The following IDH1 variants were observed in gnomAD, a reference collection of about 807,000 sequenced individuals.
IDH1 encodes the protein isocitrate dehydrogenase (NADP(+)) 1.
A neutral mutation model predicts 46.1 loss-of-function variants in IDH1; 33 were observed. The observed-to-expected ratio is 0.72, with a 90% CI of 0.54 to 0.96. The LOEUF (loss-of-function observed/expected upper bound fraction) is 0.96. Ranked by LOEUF, IDH1 falls within the 40% of genes least tolerant of loss-of-function variation. The probability of loss-of-function intolerance (pLI) is 0.00; values close to 1 mark genes in which losing one functional copy is unlikely to be tolerated. For synonymous variants in IDH1, 144 were observed against 172.8 expected (o/e 0.83, Z 1.31); for missense variants, 421 against 515.7 (o/e 0.82, Z 1.78).
rs1437765311 is a variant in IDH1, at chr2:208,245,781, C to CT, written c.415-358_415-357insA. On this transcript the variant is annotated intron_variant, in intron 4 of 9. Transcript: ENST00000345146. ...CAAATGCCAAAAGAGGGTATTAGAC[C>CT]CCCCCCCCAAAAAAAAAAAAACTAT... Among the ~76,000 whole-genome samples, 9 of 35,218 alleles carry CT rather than the reference C, an allele frequency of 2.6e-4. 1 individual carries two copies. The highest frequency in any genetic ancestry group is 1.7e-3 in the Admixed American group (5 of 2,950). The allele number at this position is 35,218 out of a possible 152,430, so 23.1% of individuals were successfully genotyped here. A position where few individuals can be genotyped will look rare whatever the true frequency, so the allele number is the denominator to read the frequency against.
Position 208,251,143 on chromosome 2 carries a change from A to G in IDH1, c.122+287T>C, listed in dbSNP as rs1688114686. 2.9e-5 allele frequency: 7 copies of G among 241,150 alleles called. No individual in the cohort carries two copies. In the South Asian group the frequency reaches 6.6e-4, roughly 23 times the overall value. The allele number at this position is 241,150 out of a possible 1,614,324, so 14.9% of individuals were successfully genotyped here. On this transcript the variant is annotated intron_variant, in intron 3 of 9. Transcript: ENST00000345146. ...TCTGAATATATTTAGGCTTAAAACA[A>G]ACTTTATTCACAAAACACAGCTATA...
chr2:208,250,019 A>C (rs1688093693), intron 3 of IDH1, among the ~76,000 whole-genome samples: 1 of 152,220 alleles, frequency 6.6e-6, no homozygotes, highest in Admixed American at 6.5e-5. Flanking sequence ...TGTCCAGCCT[A>C]CATAAAACAA....
At chr2:208,241,777 G>A (rs1429072257) in intron 7 of IDH1, among the ~76,000 whole-genome samples, 1 of 152,194 alleles carries the variant, frequency 6.6e-6, no homozygotes, top group African/African-American at 2.4e-5. Flanking sequence ...TGACACTGGA[G>A]CCAGGAGTGT....
intron 8 of IDH1, 81 bp from the exon 9 acceptor site, chr2:208,239,314 A>T: frequency 6.8e-7 from 1 of 1,464,754 alleles, no homozygotes. Context: ...TCCCCAAAAC[A>T]GAATAGTTTT....
intron 4 of IDH1, 119 bp from the exon 5 acceptor site, chr2:208,245,543 C>CTTA (rs1688001735): frequency 2.1e-4 from 64 of 310,760 alleles, no homozygotes; most frequent in Non-Finnish European, 2.8e-4. Context: ...GTATGTCAAA[C>CTTA]TTCTTTTTTT....
intron 7 of IDH1, chr2:208,240,289 A>G: frequency 2.3e-6 from 1 of 436,314 alleles, no homozygotes; most frequent in Admixed American, 3.4e-5. Context: ...CTCTAGTTCT[A>G]TGACTTCATA....
At chr2:208,247,337 T>C (rs1210364307) in intron 4 of IDH1, 8 of 152,264 alleles carry the variant, frequency 5.3e-5, no homozygotes, top group Admixed American at 5.2e-4. Flanking sequence ...TTTTGCTTAA[T>C]TTGGCAACAA....
At position 208,240,016 on chromosome 2, in the gene IDH1, G is replaced by C. The variant is rs16840789; in HGVS notation, c.851-13C>G. 0.027 allele frequency: 43,352 copies of C among 1,613,916 alleles called. 713 individuals are homozygous for C. The highest frequency in any genetic ancestry group is 0.041 in the South Asian group (3,712 of 91,064). ...AGAGAGCCATACCCTGTAAGTAGTG[G>C]AGCATGAAGCGTTGGGTCCAACTGC... On this transcript the variant is annotated splice_polypyrimidine_tract_variant and intron_variant, in intron 7 of 9. Coordinates refer to ENST00000345146, the MANE Select transcript of IDH1 (RefSeq NM_005896.4).
At chr2:208,245,969 T>C (rs1057323604) in intron 4 of IDH1, among the ~76,000 whole-genome samples, 3 of 152,206 alleles carry the variant, frequency 2.0e-5, no homozygotes, top group African/African-American at 7.2e-5. Flanking sequence ...ATTTGATTCT[T>C]ACATCAGTCT....
At chr2:208,251,212 A>C in intron 3 of IDH1, 1 of 467,162 alleles carries the variant, frequency 2.1e-6, no homozygotes, top group Non-Finnish European at 3.8e-6. Flanking sequence ...AATTCAGATT[A>C]TATTCTTTTT....
intron 4 of IDH1, among the ~76,000 whole-genome samples, chr2:208,246,970 C>G (rs1688035924): frequency 6.6e-6 from 1 of 152,054 alleles, no homozygotes; most frequent in Non-Finnish European, 1.5e-5. Context: ...AGGATATACG[C>G]AGAAAAAAGG....
chr2:208,250,722 A>G (rs893674832), intron 3 of IDH1, among the ~76,000 whole-genome samples: 2 of 152,214 alleles, frequency 1.3e-5, no homozygotes, highest in African/African-American at 2.4e-5. Context: ...CTTTACACAC[A>G]GGGCAAAGGG....
At position 208,236,423 on chromosome 2, in the gene IDH1, G is replaced by A; in HGVS notation, c.*656C>T. 1 of 231,592 alleles carries A rather than the reference G, an allele frequency of 4.3e-6. No homozygotes were observed. The highest frequency in any genetic ancestry group is 8.5e-6 in the Non-Finnish European group (1 of 116,990). The allele number at this position is 231,592 out of a possible 1,614,324, so 14.3% of individuals were successfully genotyped here. A position where few individuals can be genotyped will look rare whatever the true frequency, so the allele number is the denominator to read the frequency against. ...TAGAGTAGTATAATATTCAGGCCAG[G>A]CCAGGAGGAGAAAGAGAAAAATGGA... On this transcript the variant is annotated 3_prime_UTR_variant, in exon 10 of 10. Transcript: ENST00000345146.
chr2:208,239,316 A>G, intron 8 of IDH1, 83 bp from the exon 9 acceptor site: 1 of 1,455,902 alleles, frequency 6.9e-7, no homozygotes, highest in Non-Finnish European at 9.5e-7. Flanking sequence ...CCCAAAACAG[A>G]ATAGTTTTTT....
chr2:208,247,977 A>G (rs190945878), intron 4 of IDH1: 396 of 253,872 alleles, frequency 1.6e-3, no homozygotes, highest in African/African-American at 8.8e-3. Context: ...AAACAAATCA[A>G]GCAAAGCAAA....
chr2:208,237,621 T>C (rs1366724975), intron 9 of IDH1, among the ~76,000 whole-genome samples: 5 of 152,056 alleles, frequency 3.3e-5, no homozygotes. Flanking sequence ...ATCAGTGTCT[T>C]AAGAAAAACA....
rs1201547733 is a variant in IDH1 at position 208,243,582 on chromosome 2, C to T, written c.543G>A (p.Gly181=). 15 of 1,613,668 alleles carry T rather than the reference C, an allele frequency of 9.3e-6. No individual in the cohort carries two copies. The highest frequency in any genetic ancestry group is 1.3e-5 in the Non-Finnish European group (15 of 1,179,736). The change falls in exon 6 of 10, where the codon GGG becomes GGA. Residue 181 remains glycine (G), a synonymous_variant. Transcript: ENST00000345146. ...NFEEGGGVAM[G]MYNQDKSIED... is the part of the protein sequence containing the mutation. ...CAATTGACTTATCTTGATTATACATCCCCATGGCAACACCACCACCTTCTG... is the reference window on the plus strand; with the variant it reads ...CAATTGACTTATCTTGATTATACATTCCCATGGCAACACCACCACCTTCTG...
At chr2:208,248,730 TG>T (rs1688069542) in intron 3 of IDH1, 70 bp from the exon 4 acceptor site, 1 of 1,381,314 alleles carries the variant, frequency 7.2e-7, no homozygotes, top group Non-Finnish European at 1.0e-6. Context: ...ACTGCAGTGA[TG>T]GCATATAGAG....
At position 208,242,002 on chromosome 2, in the gene IDH1, A is replaced by C; in HGVS notation, c.842T>G (p.Val281Gly). The C allele has an allele frequency of 6.2e-7, 1 of 1,612,180 alleles. No individual in the cohort carries two copies. Among genetic ancestry groups the C allele is most frequent in the Non-Finnish European group, 8.5e-7 (1 of 1,179,830 alleles). ...AGGCTCCACCTCTGTACCTTGGGCCACAGAGTCCGACTGCACGTCACCATC... is the reference window on the plus strand; with the variant it reads ...AGGCTCCACCTCTGTACCTTGGGCCCCAGAGTCCGACTGCACGTCACCATC... ...NYDGDVQSDS[V>G]AQGYGSLGMM... Residue 281 changes from valine (V) to glycine (G), a missense_variant, in exon 7 of 10, where the codon GTG (valine) becomes GGG (glycine). Transcript: ENST00000345146.
Sources: gnomAD v4.1 joint callset for allele counts (sites outside exome capture counted in the v4.1 genomes callset) on GRCh38, gnomAD v4.1.1 for gene constraint, MANE v1.5 for transcripts, NCBI Gene and HGNC (gene_info 2026-07-23, HGNC 2026-07-21) for gene names.